Variants in FAM53A observed in about 807,000 individuals in gnomAD.
The protein encoded by FAM53A is family with sequence similarity 53 member A.
In FAM53A, 28 loss-of-function variants were observed where a neutral mutation model predicts 26.6. The ratio of observed to expected loss-of-function variants is 1.05; its 90% CI spans 0.78 to 1.45. The LOEUF is 1.45. FAM53A is among the 40% of genes most tolerant of loss of function. The pLI is 0.00. For synonymous variants in FAM53A, 290 were observed against 253.1 expected (o/e 1.15, Z -1.38); for missense variants, 650 against 575.8 (o/e 1.13, Z -1.32).
At chr4:1,657,957 AT>A (rs1347856272) in intron 2 of FAM53A, among the ~76,000 whole-genome samples, 2 of 151,180 alleles carry the variant, frequency 1.3e-5, no homozygotes, top group Non-Finnish European at 2.9e-5. Context: ...ACATTTTTAA[AT>A]TTTTTAAAAA....
the FAM53A span, among the ~76,000 whole-genome samples, chr4:1,585,276 C>CTTT: frequency 1.8e-3 from 140 of 75,998 alleles, no homozygotes; most frequent in Middle Eastern, 8.2e-3. Context: ...CTCTCTCTCT[C>CTTT]TTTTTTTTTT....
At chr4:1,580,410 G>T in the FAM53A span, among the ~76,000 whole-genome samples, 1 of 152,186 alleles carries the variant, frequency 6.6e-6, no homozygotes, top group African/African-American at 2.4e-5. Flanking sequence ...GGGATGTGAG[G>T]GCAGCTCAGA....
chr4:1,670,132 G>C (rs1714529272), intron 1 of FAM53A, among the ~76,000 whole-genome samples: 1 of 152,362 alleles, frequency 6.6e-6, no homozygotes, highest in Non-Finnish European at 1.5e-5. Context: ...TGCTAGGAAG[G>C]CAGGCGGCAT....
In FAM53A at chr4:1,627,239, G is replaced by A. The variant is rs1265728950; in HGVS notation, c.432-9128C>T. Among the ~76,000 whole-genome samples the A allele has an allele frequency of 4.6e-5, 7 of 152,298 alleles. No homozygotes were observed. In the South Asian group the frequency reaches 1.0e-3, roughly 23 times the overall value. ...CCAGCCCAGCAGGAGAAGGGAACAC[G>A]ACCACTACCATTTGACCCCAAGGCA... On this transcript the variant is annotated intron_variant, in intron 1 of 1. Transcript: ENST00000489029.
intron 1 of FAM53A, among the ~76,000 whole-genome samples, chr4:1,680,332 A>AAAC (rs2109072296): frequency 6.7e-6 from 1 of 149,536 alleles, no homozygotes; most frequent in Admixed American, 6.7e-5. Context: ...AAAAAAAAAA[A>AAAC]AAAAAAAAAA....
rs146102313 is a variant in FAM53A, at chr4:1,622,174, C to T, written c.432-4063G>A. On this transcript the variant is annotated intron_variant, in intron 1 of 1. Transcript: ENST00000489029. ...CTGTTCACGATCAGTTACCCAGACA[C>T]GGTGCCGTTACAGCAGCAGCACGGA... Among the ~76,000 whole-genome samples, 15 of 152,306 alleles carry T rather than the reference C, an allele frequency of 9.8e-5. 1 individual carries two copies. In the South Asian group the frequency reaches 1.0e-3, roughly 11 times the overall value.
chr4:1,684,900 G>A (rs1039713494), upstream of FAM53A, among the ~76,000 whole-genome samples: 4 of 152,228 alleles, frequency 2.6e-5, no homozygotes, highest in African/African-American at 9.6e-5. Context: ...GTTGGGGCCT[G>A]GTTCCGTCCG....
downstream of FAM53A, among the ~76,000 whole-genome samples, chr4:1,635,568 G>A (rs1240372936): frequency 2.0e-5 from 3 of 152,110 alleles, no homozygotes; most frequent in Admixed American, 6.6e-5. Flanking sequence ...CAGCCACTGT[G>A]CCCAGCTATT....
At chr4:1,673,526 G>T (rs535220093) in intron 1 of FAM53A, among the ~76,000 whole-genome samples, 1 of 152,336 alleles carries the variant, frequency 6.6e-6, no homozygotes, top group African/African-American at 2.4e-5. Flanking sequence ...GAGGTCAGGA[G>T]ATCGAGACCA....
intron 1 of FAM53A, among the ~76,000 whole-genome samples, chr4:1,624,322 G>A (rs1234945007): frequency 6.6e-6 from 1 of 152,208 alleles, no homozygotes; most frequent in Non-Finnish European, 1.5e-5. Context: ...CAGGTCAGGC[G>A]CTGTGTCAAG....
intron 2 of FAM53A, among the ~76,000 whole-genome samples, chr4:1,667,533 C>A (rs567089260): frequency 6.2e-4 from 94 of 152,258 alleles, no homozygotes; most frequent in Admixed American, 1.9e-3. Context: ...TGCGAAGGTT[C>A]AGGCCACATG....
chr4:1,576,875 G>A, the FAM53A span, among the ~76,000 whole-genome samples: 1 of 152,212 alleles, frequency 6.6e-6, no homozygotes, highest in Non-Finnish European at 1.5e-5. Context: ...GTAAAATGGG[G>A]CGCAGGGCGG....
chr4:1,592,170 G>A, the FAM53A span, among the ~76,000 whole-genome samples: 1 of 152,106 alleles, frequency 6.6e-6, no homozygotes, highest in African/African-American at 2.4e-5. Context: ...TGGAGAGGCT[G>A]AGCTCTGAAC....
the FAM53A span, among the ~76,000 whole-genome samples, chr4:1,579,924 G>C: frequency 1.3e-5 from 2 of 152,314 alleles, no homozygotes; most frequent in Admixed American, 6.5e-5. Context: ...ATATTGACTC[G>C]AAGGAGAAAC....
chr4:1,624,778 G>A (rs1464136329), intron 1 of FAM53A, among the ~76,000 whole-genome samples: 4 of 152,188 alleles, frequency 2.6e-5, no homozygotes, highest in Admixed American at 6.5e-5. Context: ...CCTGACATGC[G>A]GGCACACTCC....
chr4:1,588,910 G>C, the FAM53A span, among the ~76,000 whole-genome samples: 1 of 152,204 alleles, frequency 6.6e-6, no homozygotes. Context: ...GTTGGGCTTT[G>C]TGTGTAGGTA....
At chr4:1,658,591 A>G (rs1170562886) in intron 2 of FAM53A, among the ~76,000 whole-genome samples, 2 of 152,250 alleles carry the variant, frequency 1.3e-5, no homozygotes, top group African/African-American at 4.8e-5. Flanking sequence ...TGGAAGCAGG[A>G]AAGCCACAGG....
Position 1,641,392 on chromosome 4 carries a change from C to A in FAM53A, c.1098G>T (p.Arg366Ser). Residue 366 changes from arginine to serine, a missense_variant, in exon 5 of 5, where the codon AGG becomes AGT. Physicochemically the swap from Arg to Ser is moderately radical, Grantham distance 110. Transcript: ENST00000308132. ...CCCCATCACGGGGGTCCCCGCTGCT[C>A]CTGCGGGAGCCATCACTGGTCACCG... is the stretch of plus-strand genomic sequence containing the variant. ...RESVTSDGSRRSSGDPRDGDS... is the reference protein window; with the variant it reads ...RESVTSDGSRSSSGDPRDGDS... The A allele has an allele frequency of 6.2e-7, 1 of 1,611,100 alleles. No homozygotes were observed. Among genetic ancestry groups the A allele is most frequent in the South Asian group, 1.1e-5 (1 of 90,812 alleles).
intron 2 of FAM53A, among the ~76,000 whole-genome samples, chr4:1,658,472 G>A (rs1713580282): frequency 6.6e-6 from 1 of 152,216 alleles, no homozygotes; most frequent in Non-Finnish European, 1.5e-5. Flanking sequence ...AGACCCAAGG[G>A]GCCCTTTCCC....
Sources: gnomAD v4.1 joint callset for allele counts (sites outside exome capture counted in the v4.1 genomes callset) on GRCh38, gnomAD v4.1.1 for gene constraint, MANE v1.5 for transcripts, NCBI Gene and HGNC (gene_info 2026-07-23, HGNC 2026-07-21) for gene names.